Variants in CALN1 observed in about 807,000 individuals in gnomAD.
The protein encoded by CALN1 is calneuron 1.
In CALN1, 17 loss-of-function variants were observed where a neutral mutation model predicts 30.6. The observed-to-expected ratio is 0.56, with a 90% CI of 0.38 to 0.83. The LOEUF is 0.83. CALN1 is among the 40% of genes least tolerant of loss of function. The pLI, the probability that CALN1 is intolerant of heterozygous loss-of-function variation, is 0.00. For synonymous variants in CALN1, 156 were observed against 131.4 expected, an observed-to-expected ratio of 1.19 and a Z score of -1.28; for missense variants, 291 against 354.9, an observed-to-expected ratio of 0.82 and a Z score of 1.45.
At chr7:72,192,077 A>T (rs1467086499) in intron 3 of CALN1, among the ~76,000 whole-genome samples, 3 of 152,172 alleles carry the variant, frequency 2.0e-5, no homozygotes, top group Non-Finnish European at 4.4e-5. Context: ...CCGCATTCAA[A>T]GCCAGTCATG....
chr7:72,108,391 G>A (rs1807325753), intron 3 of CALN1, among the ~76,000 whole-genome samples: 3 of 152,206 alleles, frequency 2.0e-5, no homozygotes, highest in East Asian at 1.9e-4. Flanking sequence ...TTGGGGGCTG[G>A]TTTTGAGATT....
chr7:72,502,787 T>C, the CALN1 span, among the ~76,000 whole-genome samples: 1 of 152,220 alleles, frequency 6.6e-6, no homozygotes, highest in East Asian at 1.9e-4. Context: ...TTCTCTCTTA[T>C]ATGGCATTTT....
intron 4 of CALN1, among the ~76,000 whole-genome samples, chr7:72,085,342 G>C (rs1435637570): frequency 6.6e-6 from 1 of 152,112 alleles, no homozygotes; most frequent in African/African-American, 2.4e-5. Context: ...AAAAAGGGGA[G>C]TACAGTATAA....
At chr7:72,242,749 G>A (rs986053056) in intron 3 of CALN1, among the ~76,000 whole-genome samples, 4 of 152,078 alleles carry the variant, frequency 2.6e-5, no homozygotes, top group Non-Finnish European at 4.4e-5. Flanking sequence ...TTATACAGGC[G>A]TGGTGGCATG....
the CALN1 span, among the ~76,000 whole-genome samples, chr7:72,463,929 T>A: frequency 8.6e-6 from 1 of 115,988 alleles, no homozygotes; most frequent in Non-Finnish European, 1.6e-5. Flanking sequence ...GAGTTCAAGA[T>A]CAGCCTAAAC....
At chr7:71,877,937 G>C (rs181100275) in intron 5 of CALN1, among the ~76,000 whole-genome samples, 4 of 152,322 alleles carry the variant, frequency 2.6e-5, no homozygotes, top group Admixed American at 2.6e-4. Flanking sequence ...ATGTCAGCAT[G>C]CATCAGGATT....
At chr7:72,403,763 C>T (rs747324236) in intron 1 of CALN1, among the ~76,000 whole-genome samples, 7 of 152,152 alleles carry the variant, frequency 4.6e-5, no homozygotes, top group South Asian at 2.1e-4. Context: ...CTATAGCCGC[C>T]AAAGTGATTG....
At chr7:71,986,745 T>C (rs1798692293) in intron 5 of CALN1, among the ~76,000 whole-genome samples, 3 of 152,222 alleles carry the variant, frequency 2.0e-5, no homozygotes, top group Admixed American at 2.0e-4. Flanking sequence ...TAGTTTAACA[T>C]TTGTTCAGTA....
intron 2 of CALN1, among the ~76,000 whole-genome samples, chr7:72,302,382 C>G (rs906474342): frequency 7.0e-4 from 106 of 152,336 alleles, no homozygotes; most frequent in African/African-American, 2.5e-3. Flanking sequence ...TGACATTAAA[C>G]TGCACATCAG....
intron 4 of CALN1, among the ~76,000 whole-genome samples, chr7:72,038,920 C>T (rs546811700): frequency 2.0e-5 from 3 of 152,196 alleles, no homozygotes; most frequent in Admixed American, 6.5e-5. Context: ...GCTGCTCTGC[C>T]TATGGAGTAG....
At chr7:72,434,523 G>T (rs1808084536) in intron 1 of CALN1, among the ~76,000 whole-genome samples, 1 of 145,270 alleles carries the variant, frequency 6.9e-6, no homozygotes, top group Non-Finnish European at 1.5e-5. Context: ...TCCATCAGAA[G>T]AAGGAGAAGG....
At chr7:72,052,960 T>C (rs1802935068) in intron 4 of CALN1, among the ~76,000 whole-genome samples, 1 of 150,238 alleles carries the variant, frequency 6.7e-6, no homozygotes, top group African/African-American at 2.4e-5. Flanking sequence ...CCAGGTGCGG[T>C]GGCTCACGCC....
chr7:72,442,153 T>C (rs966522764), intron 1 of CALN1, among the ~76,000 whole-genome samples: 2 of 152,142 alleles, frequency 1.3e-5, no homozygotes, highest in Admixed American at 6.6e-5. Context: ...CCTCCATTGG[T>C]ACCCCACTGG....
At chr7:72,231,689 G>A (rs1312447247) in intron 3 of CALN1, among the ~76,000 whole-genome samples, 4 of 152,028 alleles carry the variant, frequency 2.6e-5, no homozygotes, top group Non-Finnish European at 5.9e-5. Flanking sequence ...CTCATACGTA[G>A]GTACCTATAG....
intron 5 of CALN1, among the ~76,000 whole-genome samples, chr7:71,905,385 T>G (rs1794076867): frequency 6.6e-6 from 1 of 151,324 alleles, no homozygotes; most frequent in African/African-American, 2.4e-5. Flanking sequence ...ATGTGTAGTT[T>G]TTTTTTTTTT....
intron 5 of CALN1, among the ~76,000 whole-genome samples, chr7:71,996,535 A>G (rs1235214054): frequency 6.6e-6 from 1 of 152,238 alleles, no homozygotes; most frequent in Non-Finnish European, 1.5e-5. Flanking sequence ...TTCCAGCTCC[A>G]GCTATGTCCC....
chr7:71,833,696 C>T (rs117383073), intron 5 of CALN1, among the ~76,000 whole-genome samples: 2,297 of 152,120 alleles, frequency 0.015, 24 homozygotes, highest in Non-Finnish European at 0.026. Flanking sequence ...TGAGGCCAGG[C>T]ATTTGGGACC....
At chr7:71,980,440 C>T (rs1016170407) in intron 5 of CALN1, among the ~76,000 whole-genome samples, 5 of 152,018 alleles carry the variant, frequency 3.3e-5, no homozygotes, top group African/African-American at 1.2e-4. Context: ...TCCTGTCTCT[C>T]GGACTCCCAC....
At chr7:72,257,287 T>C (rs1026355478) in intron 3 of CALN1, among the ~76,000 whole-genome samples, 2 of 152,134 alleles carry the variant, frequency 1.3e-5, no homozygotes, top group Non-Finnish European at 2.9e-5. Flanking sequence ...TGGATTACAA[T>C]TGTTGATGAG....
Sources: gnomAD v4.1 joint callset for allele counts (sites outside exome capture counted in the v4.1 genomes callset) on GRCh38, gnomAD v4.1.1 for gene constraint, MANE v1.5 for transcripts, NCBI Gene and HGNC (gene_info 2026-07-23, HGNC 2026-07-21) for gene names.